The following STPG2 variants were observed in gnomAD, a reference collection of about 807,000 sequenced individuals.
STPG2 encodes sperm-tail PG-rich repeat-containing protein 2.
STPG2 carries 56 observed loss-of-function variants against 54.2 expected under a neutral mutation model. The ratio of observed to expected loss-of-function variants is 1.03; its 90% CI spans 0.83 to 1.29. The LOEUF (loss-of-function observed/expected upper bound fraction) is 1.29. STPG2 is among the 50% of genes most tolerant of loss of function. The pLI is 0.00. For synonymous variants in STPG2, 200 were observed against 181.8 expected, an observed-to-expected ratio of 1.10 and a Z score of -0.81; for missense variants, 596 against 544.9, an observed-to-expected ratio of 1.09 and a Z score of -0.93.
intron 9 of STPG2, among the ~76,000 whole-genome samples, chr4:97,748,713 A>T (rs1407929930): frequency 6.6e-6 from 1 of 151,616 alleles, no homozygotes; most frequent in African/African-American, 2.4e-5. Flanking sequence ...CTATATTCTA[A>T]TAGAATTTTT....
At chr4:97,864,764 A>G (rs910701869) in intron 8 of STPG2, among the ~76,000 whole-genome samples, 1 of 152,130 alleles carries the variant, frequency 6.6e-6, no homozygotes, top group Non-Finnish European at 1.5e-5. Flanking sequence ...ATGGAACAGA[A>G]CAGAGCCCTC....
intron 9 of STPG2, among the ~76,000 whole-genome samples, chr4:97,820,420 A>T (rs1307820756): frequency 6.7e-6 from 1 of 149,490 alleles, no homozygotes; most frequent in Non-Finnish European, 1.5e-5. Context: ...AAAAGCTATA[A>T]GTGATTAAGT....
intron 5 of STPG2, among the ~76,000 whole-genome samples, chr4:98,012,933 A>G (rs549659173): frequency 5.3e-5 from 8 of 152,034 alleles, no homozygotes; most frequent in Non-Finnish European, 1.2e-4. Context: ...CTATCTGAAT[A>G]CTCTTTAATT....
chr4:97,538,183 A>C (rs922185289), intron 4 of STPG2, among the ~76,000 whole-genome samples: 1 of 152,240 alleles, frequency 6.6e-6, no homozygotes, highest in Non-Finnish European at 1.5e-5. Flanking sequence ...AATGGAACAA[A>C]GCTGGACGGA....
chr4:97,850,392 T>C (rs1363834601), intron 8 of STPG2, among the ~76,000 whole-genome samples: 2 of 151,576 alleles, frequency 1.3e-5, no homozygotes, highest in African/African-American at 2.4e-5. Context: ...GAAAACTTAA[T>C]GTATACTTCT....
chr4:97,496,986 C>CT lies in STPG2; in HGVS notation c.462+215712dup, dbSNP rs370800861. 2.9e-3 allele frequency among the ~76,000 whole-genome samples: 399 copies of CT among 136,038 alleles called. 2 individuals carry two copies. Among genetic ancestry groups the CT allele is most frequent in the Middle Eastern group, 0.012 (3 of 256 alleles). The allele number at this position is 136,038 out of a possible 152,430, so 89.2% of individuals were successfully genotyped here. A position where few individuals can be genotyped will look rare whatever the true frequency, so the allele number is the denominator to read the frequency against. On this transcript the variant is annotated intron_variant, in intron 4 of 4. Coordinates refer to the STPG2 transcript ENST00000522676. Reference sequence around the variant, plus strand: ...TTTTCCTGGTTAGTTCCATCTTTTCCTTTTTTTTTTTTTTTAAAAAAAGCA... The same window carrying CT: ...TTTTCCTGGTTAGTTCCATCTTTTCCTTTTTTTTTTTTTTTTAAAAAAAGCA...
chr4:97,646,628 T>C (rs1409435706), intron 10 of STPG2, among the ~76,000 whole-genome samples: 1 of 152,158 alleles, frequency 6.6e-6, no homozygotes, highest in Non-Finnish European at 1.5e-5. Flanking sequence ...AAAGCTTTGA[T>C]GCTTTATGTG....
intron 5 of STPG2, among the ~76,000 whole-genome samples, chr4:97,995,943 C>T (rs1365254700): frequency 2.0e-5 from 3 of 152,020 alleles, no homozygotes; most frequent in Non-Finnish European, 4.4e-5. Flanking sequence ...AGAGATGACA[C>T]AAACAGACAA....
intron 10 of STPG2, among the ~76,000 whole-genome samples, chr4:97,649,862 A>G (rs1722016135): frequency 1.3e-5 from 2 of 152,056 alleles, no homozygotes; most frequent in Admixed American, 6.6e-5. Context: ...AGCACATTAC[A>G]TTTATTATCC....
At chr4:97,504,172 A>G (rs966495512) in intron 4 of STPG2, among the ~76,000 whole-genome samples, 1 of 144,842 alleles carries the variant, frequency 6.9e-6, no homozygotes, top group African/African-American at 2.5e-5. Flanking sequence ...ATTTATTTAA[A>G]TATTTTATTT....
intron 5 of STPG2, among the ~76,000 whole-genome samples, chr4:98,078,178 C>G (rs552326911): frequency 6.6e-6 from 1 of 152,210 alleles, no homozygotes; most frequent in South Asian, 2.1e-4. Context: ...TGTGTTTCTA[C>G]TAAACACTCA....
chr4:98,095,727 C>T (rs967743645), intron 5 of STPG2, among the ~76,000 whole-genome samples: 2 of 152,144 alleles, frequency 1.3e-5, no homozygotes, highest in Non-Finnish European at 2.9e-5. Context: ...CAGCTGGAGA[C>T]TTCAACACCC....
intron 4 of STPG2, among the ~76,000 whole-genome samples, chr4:97,460,140 C>G (rs886386884): frequency 2.0e-5 from 3 of 152,140 alleles, no homozygotes; most frequent in Non-Finnish European, 2.9e-5. Flanking sequence ...ATCAACCCCC[C>G]ACTAGTACAA....
intron 10 of STPG2, among the ~76,000 whole-genome samples, chr4:97,608,096 A>AAT (rs1464514223): frequency 6.6e-6 from 1 of 152,030 alleles, no homozygotes; most frequent in African/African-American, 2.4e-5. Context: ...GCAACTACAC[A>AAT]ATATCCTCTT....
intron 8 of STPG2, among the ~76,000 whole-genome samples, chr4:97,880,462 C>T (rs951310883): frequency 2.6e-5 from 4 of 152,112 alleles, no homozygotes; most frequent in Non-Finnish European, 5.9e-5. Context: ...CATTTAGAAG[C>T]AGCAGAGTAT....
At chr4:97,918,401 A>C (rs929033459) in intron 8 of STPG2, among the ~76,000 whole-genome samples, 41 of 152,070 alleles carry the variant, frequency 2.7e-4, no homozygotes, top group Non-Finnish European at 1.5e-4. Flanking sequence ...CATTAAGGAG[A>C]ACTCTCTATA....
At chr4:97,755,409 A>G (rs1725698304) in intron 9 of STPG2, among the ~76,000 whole-genome samples, 1 of 152,178 alleles carries the variant, frequency 6.6e-6, no homozygotes, top group Non-Finnish European at 1.5e-5. Context: ...ATTATTTTCT[A>G]TTGTAAGAAT....
At chr4:97,681,255 A>C (rs1441915087) in intron 10 of STPG2, among the ~76,000 whole-genome samples, 1 of 151,958 alleles carries the variant, frequency 6.6e-6, no homozygotes, top group Non-Finnish European at 1.5e-5. Context: ...TGTTGAAATT[A>C]GTAGTAACTC....
chr4:97,964,465 T>A (rs1367898905), intron 7 of STPG2, among the ~76,000 whole-genome samples: 1 of 152,070 alleles, frequency 6.6e-6, no homozygotes, highest in African/African-American at 2.4e-5. Flanking sequence ...CTCTTAATGA[T>A]AAAAAAAGAA....
Sources: gnomAD v4.1 joint callset for allele counts (sites outside exome capture counted in the v4.1 genomes callset) on GRCh38, gnomAD v4.1.1 for gene constraint, MANE v1.5 for transcripts, NCBI Gene and HGNC (gene_info 2026-07-23, HGNC 2026-07-21) for gene names.